ZNF708: variants seen among roughly 807,000 people sequenced by gnomAD.
ZNF708 encodes zinc finger protein 708.
Under a neutral mutation model 47.0 loss-of-function variants are expected in ZNF708, and 44 were observed. That is an observed-to-expected ratio of 0.94 (90% CI 0.74 to 1.20). The LOEUF is 1.20. Ranked by LOEUF, ZNF708 falls within the 50% of genes most tolerant of loss-of-function variation. The pLI, the probability that ZNF708 is intolerant of heterozygous loss-of-function variation, is 0.00. For missense variants in ZNF708, 557 were observed against 656.0 expected (o/e 0.85, Z 1.65); for synonymous variants, 184 against 218.5 (o/e 0.84, Z 1.39).
In ZNF708 at chr19:21,325,596, C is replaced by T. The variant is rs141163017; in HGVS notation, c.3+3614G>A. ...TGGATTAAGGACTTAAACCTAAGAT[C>T]GGAAACTATAAAAATTATAAAACAT... On this transcript the variant is annotated intron_variant, in intron 1 of 3. Coordinates refer to ENST00000356929, the MANE Select transcript of ZNF708 (RefSeq NM_021269.3). Among the ~76,000 whole-genome samples the T allele has an allele frequency of 7.9e-3, 1,198 of 152,168 alleles. 9 individuals carry two copies. Among genetic ancestry groups the T allele is most frequent in the Middle Eastern group, 0.051 (15 of 294 alleles).
chr19:21,306,278 A>T (rs1377987457), intron 3 of ZNF708, among the ~76,000 whole-genome samples: 2 of 151,338 alleles, frequency 1.3e-5, no homozygotes, highest in African/African-American at 4.9e-5. Flanking sequence ...AAAATTCAAT[A>T]GACAATGCCT....
chr19:21,322,859 C>A (rs911005746), intron 1 of ZNF708, among the ~76,000 whole-genome samples: 6 of 152,196 alleles, frequency 3.9e-5, no homozygotes, highest in African/African-American at 1.2e-4. Flanking sequence ...TCAGCACAGG[C>A]CCTGACTCAG....
chr19:21,302,171 A>G (rs1352559862), intron 3 of ZNF708, among the ~76,000 whole-genome samples: 6 of 152,152 alleles, frequency 3.9e-5, no homozygotes, highest in Non-Finnish European at 7.3e-5. Context: ...ATAAAACCAT[A>G]TATAAAATAA....
intron 3 of ZNF708, among the ~76,000 whole-genome samples, chr19:21,301,269 G>A (rs1253668073): frequency 6.6e-6 from 1 of 152,002 alleles, no homozygotes; most frequent in Non-Finnish European, 1.5e-5. Context: ...TTGAGGTCAT[G>A]AGTTCAAGAC....
At chr19:21,327,591 C>G (rs987054548) in intron 1 of ZNF708, among the ~76,000 whole-genome samples, 2 of 152,022 alleles carry the variant, frequency 1.3e-5, no homozygotes, top group Non-Finnish European at 2.9e-5. Flanking sequence ...TTCACCCACC[C>G]CATTCTGCTC....
chr19:21,327,641 C>T (rs1973289573), intron 1 of ZNF708, among the ~76,000 whole-genome samples: 1 of 152,032 alleles, frequency 6.6e-6, no homozygotes, highest in Non-Finnish European at 1.5e-5. Context: ...GGAGACATTA[C>T]ACTATGCCCC....
At chr19:21,296,330 G>A (rs1016081480) in intron 3 of ZNF708, among the ~76,000 whole-genome samples, 2 of 151,776 alleles carry the variant, frequency 1.3e-5, no homozygotes, top group South Asian at 4.1e-4. Context: ...GTGAAACCCC[G>A]TTTCTACTAA....
Position 21,293,347 on chromosome 19 carries a change from G to GC in ZNF708, c.1618dup (p.Ala540GlyfsTer3), listed in dbSNP as rs1972435173. On this transcript the variant is annotated frameshift_variant, in exon 4 of 4. Coordinates refer to ENST00000356929, the MANE Select transcript of ZNF708 (RefSeq NM_021269.3). LOFTEE classifies it high-confidence loss of function. ...AGTAAGGTTTGGGGACTGGTTAAAG[G>GC]CTTTGCCACATTCTTCACATTTGTA... 1.2e-6 allele frequency: 2 copies of GC among 1,613,492 alleles called. No homozygotes were observed. Among genetic ancestry groups the GC allele is most frequent in the African/African-American group, 2.7e-5 (2 of 74,968 alleles).
At chr19:21,311,267 T>C (rs1972893093) in intron 1 of ZNF708, among the ~76,000 whole-genome samples, 1 of 152,108 alleles carries the variant, frequency 6.6e-6, no homozygotes, top group Non-Finnish European at 1.5e-5. Context: ...CCAGATAAAA[T>C]ATGATGATTT....
Position 21,294,482 on chromosome 19 carries a change from G to A in ZNF708, c.484C>T (p.His162Tyr). 1 of 1,614,090 alleles carries A rather than the reference G, an allele frequency of 6.2e-7. No individual in the cohort carries two copies. Among genetic ancestry groups the A allele is most frequent in the Non-Finnish European group, 8.5e-7 (1 of 1,179,982 alleles). ...CATTTGAAAGGATTTTTTCCAGTAT[G>A]TCTTATCTTATGTCTCTTTGCATTT... ...YSNAKRHKIR[H>Y]TGKNPFKCKE... is the part of the protein sequence containing the mutation. The change falls in exon 4 of 4, where the codon CAT becomes TAT. Residue 162 changes from histidine to tyrosine, a missense_variant. His to Tyr is a moderately conservative substitution (Grantham distance 83, BLOSUM62 2). Transcript: ENST00000356929.
intron 1 of ZNF708, among the ~76,000 whole-genome samples, chr19:21,324,598 CA>C (rs1973220545): frequency 6.6e-6 from 1 of 152,040 alleles, no homozygotes; most frequent in Admixed American, 6.6e-5. Flanking sequence ...AGCAGTTTCT[CA>C]AACACAGTGT....
intron 1 of ZNF708, chr19:21,318,169 G>C (rs1214057566): frequency 1.3e-5 from 2 of 152,338 alleles, no homozygotes; most frequent in East Asian, 3.9e-4. Context: ...CTATGGTACA[G>C]GAGAGCCTAC....
At chr19:21,320,173 CA>C (rs34182229) in intron 1 of ZNF708, among the ~76,000 whole-genome samples, 1 of 151,080 alleles carries the variant, frequency 6.6e-6, no homozygotes, top group Non-Finnish European at 1.5e-5. Context: ...AAGACTCAGT[CA>C]AAAAAAAGCA....
chr19:21,303,609 AAG>A (rs1175153671), intron 3 of ZNF708, among the ~76,000 whole-genome samples: 1 of 151,854 alleles, frequency 6.6e-6, no homozygotes, highest in Non-Finnish European at 1.5e-5. Context: ...AAAAAAGAAA[AAG>A]AAATAAAACA....
At chr19:21,314,391 G>GTAT (rs78560009) in intron 1 of ZNF708, among the ~76,000 whole-genome samples, 26,254 of 151,972 alleles carry the variant, frequency 0.17, 2,477 homozygotes, top group Non-Finnish European at 0.21. Context: ...AGATAAATAT[G>GTAT]TATTATTAGC....
intron 3 of ZNF708, among the ~76,000 whole-genome samples, chr19:21,307,158 T>TAAAATATAATATAAAATAAAATAAA (rs1568349340): frequency 7.0e-5 from 8 of 113,708 alleles, no homozygotes; most frequent in African/African-American, 2.5e-4. Context: ...TAAAATATAA[T>TAAAATATAATATAAAATAAAATAAA]ATAAAATAAA....
chr19:21,295,245 GCAGCAGAGA>G (rs1202260006), intron 3 of ZNF708, among the ~76,000 whole-genome samples: 4 of 152,178 alleles, frequency 2.6e-5, no homozygotes, highest in African/African-American at 9.7e-5. Flanking sequence ...AAGTGTTACA[GCAGCAGAGA>G]CTGCAGTACC....
intron 1 of ZNF708, among the ~76,000 whole-genome samples, chr19:21,327,218 G>A (rs1263368964): frequency 6.6e-6 from 1 of 151,996 alleles, no homozygotes; most frequent in Non-Finnish European, 1.5e-5. Flanking sequence ...CCAGGGAGTG[G>A]TAGTGCTAAT....
chr19:21,292,912 T>G lies in ZNF708; in HGVS notation c.*362A>C, dbSNP rs2997224. ...GAATTATCTTACCTACAATCAAGTG[T>G]GACAATCATTTAAAGATTTTGTCAC... On this transcript the variant is annotated 3_prime_UTR_variant, in exon 4 of 4. Coordinates refer to ENST00000356929, the MANE Select transcript of ZNF708 (RefSeq NM_021269.3). 5.9e-5 allele frequency: 12 copies of G among 202,096 alleles called. No individual in the cohort carries two copies. The highest frequency in any genetic ancestry group is 2.6e-4 in the African/African-American group (11 of 42,456). 12.5% of individuals were successfully genotyped at this position (202,096 alleles called of 1,614,324 possible).
Sources: allele counts gnomAD v4.1 joint callset (sites outside exome capture counted in the v4.1 genomes callset), GRCh38; gene constraint gnomAD v4.1.1; transcripts MANE v1.5; gene names NCBI Gene and HGNC (gene_info 2026-07-23, HGNC 2026-07-21).